The following TGIF1 variants were observed in gnomAD, a reference collection of about 807,000 sequenced individuals.
TGIF1 encodes the protein TGFB induced factor homeobox 1, also known as homeobox protein TGIF1.
A neutral mutation model predicts 19.3 loss-of-function variants in TGIF1; 4 were observed. The ratio of observed to expected loss-of-function variants is 0.21; its 90% CI spans 0.10 to 0.47. The LOEUF (loss-of-function observed/expected upper bound fraction) is 0.47, where lower values mean the gene tolerates loss of function less well. TGIF1 is among the 20% of genes least tolerant of loss of function. TGIF1 has a pLI of 0.98. For missense variants in TGIF1, 275 were observed against 341.4 expected, an observed-to-expected ratio of 0.81 and a Z score of 1.53; for synonymous variants, 122 against 129.3, an observed-to-expected ratio of 0.94 and a Z score of 0.38.
chr18:3,419,596 G>A (rs1336076082), intron 2 of TGIF1, among the ~76,000 whole-genome samples: 2 of 152,122 alleles, frequency 1.3e-5, no homozygotes, highest in African/African-American at 2.4e-5. Context: ...TTTATTGATA[G>A]ATAAAATGTA....
intron 2 of TGIF1, among the ~76,000 whole-genome samples, chr18:3,439,125 T>C (rs2082651385): frequency 6.6e-6 from 1 of 152,084 alleles, no homozygotes; most frequent in East Asian, 1.9e-4. Flanking sequence ...TTTAAAGTAA[T>C]ATAGGTGAAG....
At chr18:3,413,849 C>T (rs886297889) in intron 1 of TGIF1, among the ~76,000 whole-genome samples, 2 of 152,072 alleles carry the variant, frequency 1.3e-5, no homozygotes, top group Non-Finnish European at 2.9e-5. Context: ...ATAAAAATAA[C>T]AAGAGTGATA....
intron 2 of TGIF1, among the ~76,000 whole-genome samples, chr18:3,429,683 T>C (rs947677674): frequency 2.0e-5 from 3 of 152,184 alleles, no homozygotes; most frequent in Non-Finnish European, 2.9e-5. Flanking sequence ...AGCATGATGT[T>C]ACAAAATCAC....
chr18:3,447,313 T>A (rs977585047), upstream of TGIF1, among the ~76,000 whole-genome samples: 32 of 148,844 alleles, frequency 2.1e-4, no homozygotes, highest in Admixed American at 8.0e-4. Context: ...GCAAATAATA[T>A]GTAGCAAATT....
upstream of TGIF1, among the ~76,000 whole-genome samples, chr18:3,448,757 A>T (rs238136): frequency 7.6e-6 from 1 of 132,160 alleles, no homozygotes; most frequent in Non-Finnish European, 1.5e-5. Context: ...GTGGCAGGCT[A>T]GCTCTAGTTC....
chr18:3,438,084 C>CA lies in TGIF1; in HGVS notation c.-44-18259dup, dbSNP rs910924042. On this transcript the variant is annotated intron_variant, in intron 2 of 3. Coordinates refer to the TGIF1 transcript ENST00000401449. ...GGGTGACAAGAGCGAAAGTCCGTCTCAAAAAAAAAAAGTGACAAGTGACTA... is the reference window on the plus strand; with the variant it reads ...GGGTGACAAGAGCGAAAGTCCGTCTCAAAAAAAAAAAAGTGACAAGTGACTA... 4.2e-3 allele frequency among the ~76,000 whole-genome samples: 583 copies of CA among 138,214 alleles called. 4 individuals carry two copies. Among genetic ancestry groups the CA allele is most frequent in the African/African-American group, 0.013 (487 of 37,792 alleles). The allele number at this position is 138,214 out of a possible 152,430, so 90.7% of individuals were successfully genotyped here. A position where few individuals can be genotyped will look rare whatever the true frequency, so the allele number is the denominator to read the frequency against.
At chr18:3,428,557 G>A (rs906324493) in intron 2 of TGIF1, among the ~76,000 whole-genome samples, 5 of 151,848 alleles carry the variant, frequency 3.3e-5, no homozygotes, top group South Asian at 2.1e-4. Context: ...CCAACATAGC[G>A]AAACCCCATC....
At chr18:3,439,197 G>A (rs2082652070) in intron 2 of TGIF1, among the ~76,000 whole-genome samples, 1 of 151,966 alleles carries the variant, frequency 6.6e-6, no homozygotes, top group African/African-American at 2.4e-5. Flanking sequence ...TGTTGAAGCT[G>A]GGTGATGGTT....
upstream of TGIF1, chr18:3,448,209 C>A (rs1310159479): frequency 3.0e-6 from 3 of 985,414 alleles, no homozygotes; most frequent in African/African-American, 5.2e-5. Context: ...CCAGACGAGG[C>A]TCCTGCCACT....
chr18:3,454,891 A>G (rs1205816265), intron 1 of TGIF1, among the ~76,000 whole-genome samples: 1 of 152,200 alleles, frequency 6.6e-6, no homozygotes, highest in East Asian at 1.9e-4. Context: ...CTGCAGTCCA[A>G]AACTAAAAAT....
rs1055895462 is a variant in TGIF1 at position 3,459,266 on chromosome 18, ATG to A, written c.*1328_*1329del. The A allele has an allele frequency of 6.6e-6, 1 of 152,248 alleles. No homozygotes were observed. The highest frequency in any genetic ancestry group is 2.4e-5 in the African/African-American group (1 of 41,458). The allele number at this position is 152,248 out of a possible 1,614,324, so 9.4% of individuals were successfully genotyped here. Reference sequence around the variant, plus strand: ...TCAGAGCTTCAGTATTGTTTAAAGAATGTAGAAAAATACAAATTTGTCTAATT... The same window carrying A: ...TCAGAGCTTCAGTATTGTTTAAAGAATAGAAAAATACAAATTTGTCTAATT... On this transcript the variant is annotated 3_prime_UTR_variant, in exon 3 of 3. Transcript: ENST00000343820.
chr18:3,425,613 G>T lies in TGIF1; in HGVS notation c.-45+7398G>T, dbSNP rs973076255. 2.6e-5 allele frequency among the ~76,000 whole-genome samples: 4 copies of T among 152,146 alleles called. No individual in the cohort carries two copies. The South Asian group carries it at 8.3e-4, about 32-fold the overall frequency. On this transcript the variant is annotated intron_variant, in intron 2 of 3. Coordinates refer to the TGIF1 transcript ENST00000401449. ...TGACTCCTCTGGTGGGCCCCACCCA[G>T]AAGCCAACTCAGCATACAAGGACTG...
intron 2 of TGIF1, among the ~76,000 whole-genome samples, chr18:3,419,338 C>A (rs2082371298): frequency 6.6e-6 from 1 of 152,126 alleles, no homozygotes; most frequent in Non-Finnish European, 1.5e-5. Context: ...GATTATGACC[C>A]CTGCTTTAGT....
Position 3,451,065 on chromosome 18 carries a change from A to T in TGIF1, c.16+560A>T, listed in dbSNP as rs2082909115. ...TACGATCGAAGGAATGCGATTCTGG[A>T]CCCCCTCATCGCCCTCGGGTGTAAA... On this transcript the variant is annotated intron_variant, in intron 1 of 2. Transcript: ENST00000343820. The surrounding 1 kb of genome is among the most constrained non-coding windows in gnomAD (Gnocchi z 5.4). Among the ~76,000 whole-genome samples the T allele has an allele frequency of 6.8e-6, 1 of 147,366 alleles. No homozygotes were observed. Among genetic ancestry groups the T allele is most frequent in the Non-Finnish European group, 1.5e-5 (1 of 67,470 alleles).
At chr18:3,452,714 G>A (rs115743331) in intron 1 of TGIF1, among the ~76,000 whole-genome samples, 15 of 152,118 alleles carry the variant, frequency 9.9e-5, no homozygotes, top group African/African-American at 2.2e-4. Flanking sequence ...CTACCTGGGA[G>A]GGGGGAGCCT....
chr18:3,426,233 A>G (rs927143581), intron 2 of TGIF1, among the ~76,000 whole-genome samples: 3 of 147,694 alleles, frequency 2.0e-5, no homozygotes, highest in African/African-American at 5.1e-5. Flanking sequence ...CAGTGACACA[A>G]TCTTGGCTCA....
At position 3,443,458 on chromosome 18, in the gene TGIF1, A is replaced by G. The variant is rs149212169; in HGVS notation, c.-44-12896A>G. ...GTTTCGCTCTTGTCTCCCAGACTGG[A>G]CAACAGTGGTGCAATATAGCTCACT... is the stretch of plus-strand genomic sequence containing the variant. On this transcript the variant is annotated intron_variant, in intron 2 of 3. Coordinates refer to the TGIF1 transcript ENST00000401449. 5.3e-5 allele frequency among the ~76,000 whole-genome samples: 8 copies of G among 152,000 alleles called. No homozygotes were observed. The East Asian group carries it at 1.5e-3, about 29-fold the overall frequency.
intron 2 of TGIF1, among the ~76,000 whole-genome samples, chr18:3,443,986 C>G (rs238543): frequency 0.72 from 107,293 of 149,052 alleles, 38,825 homozygotes; most frequent in East Asian, 0.9. Flanking sequence ...CCAGGCTGGA[C>G]TGCAGTGGCA....
rs1162566921 is a variant in TGIF1, at chr18:3,454,964, G to A, written c.17-1390G>A. 3.3e-5 allele frequency among the ~76,000 whole-genome samples: 5 copies of A among 152,294 alleles called. No individual in the cohort carries two copies. The South Asian group carries it at 1.0e-3, about 32-fold the overall frequency. ...ATTCCTTTAAAAAACACGGTGTTTAGCTTAAGAGGAATATTCCGTGTTTAT... is the reference window on the plus strand; with the variant it reads ...ATTCCTTTAAAAAACACGGTGTTTAACTTAAGAGGAATATTCCGTGTTTAT... On this transcript the variant is annotated intron_variant, in intron 1 of 2. Transcript: ENST00000343820.
Sources: allele counts gnomAD v4.1 joint callset (sites outside exome capture counted in the v4.1 genomes callset), GRCh38; gene constraint gnomAD v4.1.1; non-coding constraint Gnocchi (gnomAD v3.1); transcripts MANE v1.5; gene names NCBI Gene and HGNC (gene_info 2026-07-23, HGNC 2026-07-21).